VPS33A: variants seen among roughly 807,000 people sequenced by gnomAD.
VPS33A encodes the protein VPS33A core subunit of CORVET and HOPS complexes, also known as vacuolar protein sorting-associated protein 33A.
In VPS33A, 32 loss-of-function variants were observed where a neutral mutation model predicts 71.8. That is an observed-to-expected ratio of 0.45 (90% CI 0.34 to 0.60). The LOEUF (loss-of-function observed/expected upper bound fraction) is 0.60. Among genes scored for constraint, VPS33A ranks in the 20% least tolerant of loss-of-function variants. The pLI, the probability that VPS33A is intolerant of heterozygous loss-of-function variation, is 0.02. For synonymous variants in VPS33A, 311 were observed against 292.7 expected (o/e 1.06, Z -0.64); for missense variants, 625 against 748.5 (o/e 0.84, Z 1.92).
chr12:122,242,415 T>C lies in VPS33A; in HGVS notation c.1063A>G (p.Thr355Ala). 1 of 1,614,108 alleles carries C rather than the reference T, an allele frequency of 6.2e-7. No homozygotes were observed. The highest frequency in any genetic ancestry group is 8.5e-7 in the Non-Finnish European group (1 of 1,179,988). Reference protein sequence around the residue: ...QAARGSLANHTSIAELIKDVT... With the variant: ...QAARGSLANHASIAELIKDVT... ...TCTTTGATCAATTCTGCAATTGAGG[T>C]ATGGTTTGCAAGCGAGCCCCTTGCT... is the stretch of plus-strand genomic sequence containing the variant. Residue 355 changes from threonine to alanine, a missense_variant, in exon 8 of 13, where the codon ACC (threonine) becomes GCC (alanine). Thr to Ala is a moderately conservative substitution (Grantham distance 58, BLOSUM62 0). Transcript: ENST00000267199.
chr12:122,242,319 G>A (rs1269689120), intron 8 of VPS33A, 63 bp downstream of exon 8: 6 of 1,582,018 alleles, frequency 3.8e-6, no homozygotes, highest in Non-Finnish European at 4.3e-6. Flanking sequence ...TGATGACCTA[G>A]GTGTCAAACG....
chr12:122,247,498 C>A (rs1954790914), intron 6 of VPS33A, among the ~76,000 whole-genome samples: 1 of 152,120 alleles, frequency 6.6e-6, no homozygotes, highest in South Asian at 2.1e-4. Context: ...TTAAAGGTGC[C>A]ATTTTTTTGA....
Position 122,261,319 on chromosome 12 carries a change from A to G in VPS33A, c.425T>C (p.Leu142Ser). ...ATCCCCATCGAATGGAATGAGATCT[A>G]AGCTGTACTCCTCCCTGTGAATAAA... is the stretch of plus-strand genomic sequence containing the variant. ...GSFIHREEYS[L>S]DLIPFDGDLL... Residue 142 changes from leucine (L) to serine (S), a missense_variant, in exon 4 of 13, where the codon TTA (leucine) becomes TCA (serine). Transcript: ENST00000267199. 1 of 1,614,044 alleles carries G rather than the reference A, an allele frequency of 6.2e-7. No individual in the cohort carries two copies. The highest frequency in any genetic ancestry group is 8.5e-7 in the Non-Finnish European group (1 of 1,179,990).
intron 10 of VPS33A, 66 bp from the exon 11 acceptor site, chr12:122,235,989 G>A: frequency 1.9e-6 from 3 of 1,542,942 alleles, no homozygotes; most frequent in East Asian, 4.6e-5. Context: ...TTTCAAAGAA[G>A]GGCACTTCCA....
At chr12:122,262,823 C>T (rs531928055) in intron 3 of VPS33A, among the ~76,000 whole-genome samples, 1 of 151,614 alleles carries the variant, frequency 6.6e-6, no homozygotes, top group South Asian at 2.1e-4. Context: ...GTTTCTCATC[C>T]TCTCTATTTT....
At chr12:122,238,752 T>C in intron 9 of VPS33A, 28 bp from the exon 10 acceptor site, 1 of 1,593,254 alleles carries the variant, frequency 6.3e-7, no homozygotes, top group African/African-American at 1.4e-5. Flanking sequence ...TACATATACA[T>C]ATACATTTAC....
intron 2 of VPS33A, among the ~76,000 whole-genome samples, chr12:122,263,921 A>G (rs1291883179): frequency 1.3e-5 from 2 of 152,218 alleles, no homozygotes; most frequent in African/African-American, 4.8e-5. Context: ...GAACTATCAA[A>G]GACACCAGGA....
chr12:122,263,432 T>C, intron 3 of VPS33A, 140 bp downstream of exon 3: 1 of 1,032,920 alleles, frequency 9.7e-7, no homozygotes, highest in East Asian at 2.6e-5. Context: ...TTCTCTTTTA[T>C]ATTCTTCCAT....
intron 10 of VPS33A, among the ~76,000 whole-genome samples, chr12:122,236,125 C>T (rs1001424367): frequency 2.0e-5 from 3 of 152,120 alleles, no homozygotes; most frequent in African/African-American, 7.2e-5. Context: ...ACTATTAATT[C>T]AGCTCACTGT....
chr12:122,244,713 A>G lies in VPS33A; in HGVS notation c.825T>C (p.Asp275=), dbSNP rs1435257226. ...PEKFAPKKQG[D]GGKDLPTEAK... is the part of the protein sequence containing the mutation. ...CTTCCGTGGGGAGGTCCTTACCACC[A>G]TCGCCCTGTTTCTTAGGTGCAAATT... Residue 275 remains aspartate, a synonymous_variant, in exon 7 of 13, where the codon GAT becomes GAC. Coordinates refer to ENST00000267199, the MANE Select transcript of VPS33A (RefSeq NM_022916.6). The G allele has an allele frequency of 6.2e-7, 1 of 1,614,112 alleles. No homozygotes were observed. Among genetic ancestry groups the G allele is most frequent in the Non-Finnish European group, 8.5e-7 (1 of 1,179,992 alleles).
chr12:122,234,880 C>T (rs546742084), intron 11 of VPS33A, among the ~76,000 whole-genome samples: 4 of 152,302 alleles, frequency 2.6e-5, no homozygotes, highest in East Asian at 3.9e-4. Context: ...CACCACAGCT[C>T]TTCTCTCCAG....
intron 5 of VPS33A, 39 bp from the exon 6 acceptor site, chr12:122,250,084 G>C (rs1268787570): frequency 6.6e-7 from 1 of 1,526,616 alleles, no homozygotes. Context: ...GCCCCCCTGG[G>C]AACAAGCAGA....
chr12:122,244,752 T>C lies in VPS33A; in HGVS notation c.786A>G (p.Lys262=). 1 of 1,613,238 alleles carries C rather than the reference T, an allele frequency of 6.2e-7. No individual in the cohort carries two copies. The highest frequency in any genetic ancestry group is 8.5e-7 in the Non-Finnish European group (1 of 1,179,372). The change falls in exon 7 of 13, where the codon AAA becomes AAG. Residue 262 remains lysine (K), a synonymous_variant. Coordinates refer to ENST00000267199, the MANE Select transcript of VPS33A (RefSeq NM_022916.6). ...EIYGIQNSYV[K]LPPEKFAPKK... ...TAGGTGCAAATTTCTCTGGAGGTAA[T>C]TTCACATAACCTGAGCAGCAGTGGA...
chr12:122,263,685 T>C lies in VPS33A; in HGVS notation c.183A>G (p.Glu61=). 1 of 1,610,452 alleles carries C rather than the reference T, an allele frequency of 6.2e-7. No individual in the cohort carries two copies. Among genetic ancestry groups the C allele is most frequent in the South Asian group, 1.1e-5 (1 of 90,742 alleles). ...GATTTCCTTTAAGTGTGAACATTTT[T>C]TCCACTTCATGTTCCTAGGCAAACA... ...QYSLLKEHEV[E]KMFTLKGNRL... is the part of the protein sequence containing the mutation. The change falls in exon 3 of 13, where the codon GAA becomes GAG. Residue 61 remains glutamate, a synonymous_variant. Transcript: ENST00000267199.
chr12:122,243,304 G>C (rs1954738376), intron 7 of VPS33A, among the ~76,000 whole-genome samples: 1 of 152,150 alleles, frequency 6.6e-6, no homozygotes, highest in South Asian at 2.1e-4. Flanking sequence ...GGAGTGCAGT[G>C]GTGTCATCAC....
intron 4 of VPS33A, among the ~76,000 whole-genome samples, chr12:122,260,194 T>TAG (rs1048115066): frequency 1.3e-5 from 2 of 152,098 alleles, no homozygotes; most frequent in Non-Finnish European, 2.9e-5. Context: ...GTGCCATACT[T>TAG]AGAGAGTGGA....
intron 4 of VPS33A, among the ~76,000 whole-genome samples, chr12:122,254,184 CA>C (rs1954883590): frequency 6.6e-6 from 1 of 152,120 alleles, no homozygotes; most frequent in Non-Finnish European, 1.5e-5. Flanking sequence ...TTACACAGAA[CA>C]ATGACATAGA....
chr12:122,232,080 C>A lies in VPS33A; in HGVS notation c.*166G>T. On this transcript the variant is annotated 3_prime_UTR_variant, in exon 13 of 13. Coordinates refer to ENST00000267199, the MANE Select transcript of VPS33A (RefSeq NM_022916.6). ...TCAAAGGAAAAAAAAAAAGGGAATACAAAAGAGACGGAGAAAGCAGTAAAC... is the reference window on the plus strand; with the variant it reads ...TCAAAGGAAAAAAAAAAAGGGAATAAAAAAGAGACGGAGAAAGCAGTAAAC... 3 of 631,974 alleles carry A rather than the reference C, an allele frequency of 4.7e-6. No individual in the cohort carries two copies. The highest frequency in any genetic ancestry group is 3.1e-5 in the South Asian group (1 of 31,836). 39.1% of individuals were successfully genotyped at this position (631,974 alleles called of 1,614,324 possible).
intron 4 of VPS33A, among the ~76,000 whole-genome samples, chr12:122,254,104 G>A (rs747509666): frequency 9.2e-5 from 14 of 151,950 alleles, no homozygotes; most frequent in Non-Finnish European, 1.6e-4. Context: ...TTATATATAC[G>A]CGTAAAGGCC....
Sources: gnomAD v4.1 joint callset for allele counts (sites outside exome capture counted in the v4.1 genomes callset) on GRCh38, gnomAD v4.1.1 for gene constraint, MANE v1.5 for transcripts, NCBI Gene and HGNC (gene_info 2026-07-23, HGNC 2026-07-21) for gene names.